The following JCAD variants were observed in gnomAD, a reference collection of about 807,000 sequenced individuals.
JCAD encodes junctional cadherin 5 associated, also known as junctional cadherin 5-associated protein.
A neutral mutation model predicts 98.0 loss-of-function variants in JCAD; 40 were observed. That is an observed-to-expected ratio of 0.41 (90% confidence interval 0.32 to 0.53). JCAD has a LOEUF of 0.53. Among genes scored for constraint, JCAD ranks in the 20% least tolerant of loss-of-function variants. The pLI is 0.31. For synonymous variants in JCAD, 691 were observed against 682.3 expected, an observed-to-expected ratio of 1.01 and a Z score of -0.20; for missense variants, 1,705 against 1,738.1, an observed-to-expected ratio of 0.98 and a Z score of 0.34.
intron 1 of JCAD, among the ~76,000 whole-genome samples, chr10:30,087,711 T>C (rs1354983624): frequency 6.6e-6 from 1 of 152,176 alleles, no homozygotes; most frequent in Admixed American, 6.5e-5. Context: ...TTTTCAGTAA[T>C]ACAATTGCCC....
rs1427677106 is a variant in JCAD at position 30,013,952 on chromosome 10, C to T, written c.*3931G>A. The T allele has an allele frequency of 6.6e-6, 1 of 152,218 alleles. No homozygotes were observed. The highest frequency in any genetic ancestry group is 1.5e-5 in the Non-Finnish European group (1 of 68,040). The allele number at this position is 152,218 out of a possible 1,614,324, so 9.4% of individuals were successfully genotyped here. A position where few individuals can be genotyped will look rare whatever the true frequency, so the allele number is the denominator to read the frequency against. ...AGGCAGGTTGCTAGCCCACATCAAC[C>T]TTTTCAAGAGGCCTCAATCTGAATT... is the stretch of plus-strand genomic sequence containing the variant. On this transcript the variant is annotated 3_prime_UTR_variant, in exon 4 of 4. Coordinates refer to ENST00000375377, the MANE Select transcript of JCAD (RefSeq NM_020848.4).
chr10:30,107,817 A>C (rs1027313487), intron 1 of JCAD, among the ~76,000 whole-genome samples: 2 of 152,170 alleles, frequency 1.3e-5, no homozygotes, highest in Admixed American at 6.5e-5. Context: ...CAAGGAAGTC[A>C]ATCCTGAAGC....
chr10:30,067,460 G>A (rs980841076), intron 2 of JCAD, among the ~76,000 whole-genome samples: 1 of 152,036 alleles, frequency 6.6e-6, no homozygotes. Context: ...CCTAGTAGCT[G>A]GGACTACAGG....
chr10:30,049,191 G>A (rs1837417614), intron 1 of JCAD, among the ~76,000 whole-genome samples: 1 of 152,192 alleles, frequency 6.6e-6, no homozygotes, highest in African/African-American at 2.4e-5. Flanking sequence ...CTTCTACGGG[G>A]GCTGATGGTA....
chr10:30,073,722 C>T (rs1422195950), intron 1 of JCAD, among the ~76,000 whole-genome samples: 16 of 147,608 alleles, frequency 1.1e-4, no homozygotes, highest in African/African-American at 4.0e-4. Context: ...TCCTTCTTTC[C>T]TTCCTTCCTT....
intron 1 of JCAD, among the ~76,000 whole-genome samples, chr10:30,053,574 AG>A (rs1837511815): frequency 6.6e-6 from 1 of 151,032 alleles, no homozygotes; most frequent in South Asian, 2.1e-4. Context: ...AAAAAAGAAA[AG>A]AAAAGAAAAG....
chr10:30,068,317 G>C (rs1837820663), intron 2 of JCAD, among the ~76,000 whole-genome samples: 1 of 147,192 alleles, frequency 6.8e-6, no homozygotes, highest in Non-Finnish European at 1.5e-5. Flanking sequence ...CTTGAACCCA[G>C]GAAGTGGAGG....
intron 1 of JCAD, among the ~76,000 whole-genome samples, chr10:30,058,211 G>A (rs975021228): frequency 2.0e-5 from 3 of 152,186 alleles, no homozygotes; most frequent in Non-Finnish European, 4.4e-5. Flanking sequence ...ACCGGAGAAG[G>A]AAAACAAGTT....
chr10:30,038,652 C>T lies in JCAD; in HGVS notation c.282-8786G>A, dbSNP rs539728528. On this transcript the variant is annotated intron_variant, in intron 2 of 3. Transcript: ENST00000375377. ...AGTGAGCTGAGATGGTGCCACTGCA[C>T]TCGCCTGGGTGACAGAGAGAGACCC... Among the ~76,000 whole-genome samples the T allele has an allele frequency of 3.6e-5, 5 of 138,680 alleles. No individual in the cohort carries two copies. In the East Asian group the frequency reaches 1.1e-3, roughly 29 times the overall value. 91.0% of individuals were successfully genotyped at this position (138,680 alleles called of 152,430 possible).
At chr10:30,032,045 C>T (rs1176867707) in intron 2 of JCAD, among the ~76,000 whole-genome samples, 1 of 152,200 alleles carries the variant, frequency 6.6e-6, no homozygotes, top group South Asian at 2.1e-4. Context: ...TGAGCCACCG[C>T]GCCCGGCTCC....
At chr10:30,100,251 G>A (rs1838446441) in intron 1 of JCAD, among the ~76,000 whole-genome samples, 1 of 152,160 alleles carries the variant, frequency 6.6e-6, no homozygotes, top group Non-Finnish European at 1.5e-5. Flanking sequence ...ATAACATAGA[G>A]AAGGGTTGAT....
At chr10:30,031,116 A>T (rs1470388109) in intron 2 of JCAD, among the ~76,000 whole-genome samples, 1 of 151,592 alleles carries the variant, frequency 6.6e-6, no homozygotes, top group Non-Finnish European at 1.5e-5. Flanking sequence ...AGGCATTTGT[A>T]TTTATATTTT....
Position 30,026,920 on chromosome 10 carries a change from G to A in JCAD, c.3228C>T (p.Ile1076=), listed in dbSNP as rs769129157. The change falls in exon 3 of 4, where the codon ATC becomes ATT. Residue 1076 remains isoleucine (I), a synonymous_variant. Transcript: ENST00000375377. ...GSLGEASTIE[I]PPGESLQARA... ...TGGCTTGCAAGGACTCACCTGGGGGGATTTCTATTGTGCTTGCTTCACCCA... is the reference window on the plus strand; with the variant it reads ...TGGCTTGCAAGGACTCACCTGGGGGAATTTCTATTGTGCTTGCTTCACCCA... 2.5e-6 allele frequency: 4 copies of A among 1,614,148 alleles called. No individual in the cohort carries two copies. Among genetic ancestry groups the A allele is most frequent in the East Asian group, 2.2e-5 (1 of 44,874 alleles).
At chr10:30,062,298 C>G (rs1301389323), upstream of JCAD, among the ~76,000 whole-genome samples, 1 of 152,146 alleles carries the variant, frequency 6.6e-6, no homozygotes, top group Non-Finnish European at 1.5e-5. Context: ...GGCTCTTTAT[C>G]CTAACATCCT....
At chr10:30,102,965 G>A (rs765165534) in intron 1 of JCAD, among the ~76,000 whole-genome samples, 15 of 152,096 alleles carry the variant, frequency 9.9e-5, no homozygotes, top group Non-Finnish European at 2.2e-4. Context: ...GCATGGAAAA[G>A]ACCCACCCCC....
At chr10:30,092,772 T>G (rs1838306855) in intron 1 of JCAD, among the ~76,000 whole-genome samples, 1 of 152,150 alleles carries the variant, frequency 6.6e-6, no homozygotes, top group Non-Finnish European at 1.5e-5. Flanking sequence ...CACCGGAGCA[T>G]GGACTAGAAT....
rs909468487 is a variant in JCAD, at chr10:30,098,644, G to T, written n.128+16723C>A. Among the ~76,000 whole-genome samples the T allele has an allele frequency of 2.0e-5, 3 of 152,164 alleles. No individual in the cohort carries two copies. The South Asian group carries it at 6.2e-4, about 32-fold the overall frequency. On this transcript the variant is annotated intron_variant and non_coding_transcript_variant, in intron 1 of 2. Transcript: ENST00000465712. ...TGAATGAACTCCAGTTTATTTCTAA[G>T]ATTTTCGACATGACAAGTGTCCTCC...
chr10:30,038,592 G>A (rs888681336), intron 2 of JCAD, among the ~76,000 whole-genome samples: 4 of 151,470 alleles, frequency 2.6e-5, no homozygotes, highest in African/African-American at 4.9e-5. Context: ...CGAGATGAGC[G>A]GGAGGATTGC....
At chr10:30,090,396 G>C (rs1164100485) in intron 1 of JCAD, among the ~76,000 whole-genome samples, 5 of 152,132 alleles carry the variant, frequency 3.3e-5, no homozygotes. Context: ...GCAAAAATTA[G>C]CCAGGCGTGG....
Sources: gnomAD v4.1 joint callset for allele counts (sites outside exome capture counted in the v4.1 genomes callset) on GRCh38, gnomAD v4.1.1 for gene constraint, MANE v1.5 for transcripts, NCBI Gene and HGNC (gene_info 2026-07-23, HGNC 2026-07-21) for gene names.